PTPRD: variants seen among roughly 807,000 people sequenced by gnomAD.
PTPRD encodes protein tyrosine phosphatase receptor type D.
Under a neutral mutation model 214.5 loss-of-function variants are expected in PTPRD, and 34 were observed. The ratio of observed to expected loss-of-function variants is 0.16; its 90% CI spans 0.12 to 0.21. PTPRD has a LOEUF of 0.21. Ranked by LOEUF, PTPRD falls within the 10% of genes least tolerant of loss-of-function variation. The pLI is 1.00. For synonymous variants in PTPRD, 1,128 were observed against 845.7 expected, an observed-to-expected ratio of 1.33 and a Z score of -5.79; for missense variants, 2,545 against 2,398.7, an observed-to-expected ratio of 1.06 and a Z score of -1.27.
At chr9:9,648,743 T>C (rs982738446) in intron 7 of PTPRD, among the ~76,000 whole-genome samples, 4 of 152,206 alleles carry the variant, frequency 2.6e-5, no homozygotes, top group Non-Finnish European at 4.4e-5. Context: ...GGTGCAAGTC[T>C]AAGATATAAA....
At chr9:10,474,059 A>G (rs1470479553) in intron 2 of PTPRD, among the ~76,000 whole-genome samples, 2 of 152,178 alleles carry the variant, frequency 1.3e-5, no homozygotes, top group Admixed American at 1.3e-4. Context: ...CAGTGACACT[A>G]TGAATAAACT....
intron 39 of PTPRD, among the ~76,000 whole-genome samples, chr9:8,349,462 A>C (rs1248908652): frequency 6.6e-6 from 1 of 152,082 alleles, no homozygotes; most frequent in Non-Finnish European, 1.5e-5. Flanking sequence ...AAGCAAATGC[A>C]TTTTTCTTTG....
intron 9 of PTPRD, among the ~76,000 whole-genome samples, chr9:9,201,773 G>C (rs573093629): frequency 6.6e-6 from 1 of 152,012 alleles, no homozygotes; most frequent in South Asian, 2.1e-4. Context: ...TGATTATTTG[G>C]GATGAGGGAC....
At chr9:10,422,419 A>T (rs1376216197) in intron 2 of PTPRD, among the ~76,000 whole-genome samples, 2 of 152,092 alleles carry the variant, frequency 1.3e-5, no homozygotes, top group Non-Finnish European at 2.9e-5. Flanking sequence ...CATGACTAAA[A>T]CACCAAAAGC....
At chr9:9,530,889 T>C (rs1163250594) in intron 8 of PTPRD, among the ~76,000 whole-genome samples, 1 of 151,928 alleles carries the variant, frequency 6.6e-6, no homozygotes. Context: ...GGGAAGAATA[T>C]GGGTGGGAGG....
chr9:9,421,852 G>A (rs2078927995), intron 8 of PTPRD, among the ~76,000 whole-genome samples: 1 of 152,028 alleles, frequency 6.6e-6, no homozygotes, highest in Non-Finnish European at 1.5e-5. Flanking sequence ...TCTCCCTGAT[G>A]ATGAAATGAT....
At chr9:8,648,883 C>T (rs1214606708) in intron 12 of PTPRD, among the ~76,000 whole-genome samples, 9 of 152,188 alleles carry the variant, frequency 5.9e-5, no homozygotes, top group Non-Finnish European at 8.8e-5. Flanking sequence ...TCATTTACAT[C>T]ATCCACTGCT....
rs149172052 is a variant in PTPRD at position 10,388,307 on chromosome 9, G to A, written c.-599-47290C>T. ...TCATTATTCTCTTCCCAAATGGAAA[G>A]GAAGTACATCCTGAGATAAAATGAT... On this transcript the variant is annotated intron_variant, in intron 2 of 45. Coordinates refer to ENST00000381196, the MANE Select transcript of PTPRD (RefSeq NM_002839.4). Among the ~76,000 whole-genome samples the A allele has an allele frequency of 9.0e-4, 137 of 151,798 alleles. 2 individuals are homozygous for A. In the East Asian group the frequency reaches 0.02, roughly 22 times the overall value.
At chr9:8,814,386 A>G (rs992586221) in intron 11 of PTPRD, among the ~76,000 whole-genome samples, 25 of 152,184 alleles carry the variant, frequency 1.6e-4, no homozygotes, top group African/African-American at 6.0e-4. Context: ...TGAAGGAAAC[A>G]GAGGAGGGTG....
At chr9:9,469,472 T>C (rs907373509) in intron 8 of PTPRD, among the ~76,000 whole-genome samples, 2 of 152,262 alleles carry the variant, frequency 1.3e-5, no homozygotes, top group African/African-American at 4.8e-5. Flanking sequence ...TAAAAACCCA[T>C]CTACTGAGCT....
chr9:10,468,467 C>A (rs77970977), intron 2 of PTPRD, among the ~76,000 whole-genome samples: 9,467 of 151,818 alleles, frequency 0.062, 826 homozygotes, highest in African/African-American at 0.19. Context: ...ACATGGACAC[C>A]GGGAGGGGAA....
chr9:9,755,391 G>A (rs2098558101), intron 6 of PTPRD, among the ~76,000 whole-genome samples: 2 of 152,046 alleles, frequency 1.3e-5, no homozygotes, highest in African/African-American at 2.4e-5. Context: ...GACAGCTTCA[G>A]TTTGTTGTCT....
Position 9,186,128 on chromosome 9 carries a change from T to C in PTPRD, c.-202-2765A>G, listed in dbSNP as rs1004735506. 5.3e-5 allele frequency among the ~76,000 whole-genome samples: 8 copies of C among 152,150 alleles called. No individual in the cohort carries two copies. In the East Asian group the frequency reaches 1.5e-3, roughly 29 times the overall value. ...CTGGAGATTGAGAAAAAATAGATGA[T>C]AAATTCTCATGAACAGAAGAAAATG... On this transcript the variant is annotated intron_variant, in intron 9 of 45. Coordinates refer to ENST00000381196, the MANE Select transcript of PTPRD (RefSeq NM_002839.4).
chr9:10,203,184 TTTTA>T lies in PTPRD; in HGVS notation c.-545+137775_-545+137778del, dbSNP rs551225648. Among the ~76,000 whole-genome samples the T allele has an allele frequency of 1.2e-3, 182 of 151,646 alleles. 4 individuals are homozygous for T. In the South Asian group the frequency reaches 0.035, roughly 29 times the overall value. On this transcript the variant is annotated intron_variant, in intron 3 of 45. Coordinates refer to ENST00000381196, the MANE Select transcript of PTPRD (RefSeq NM_002839.4). ...CCCTCTCTCTCTTTTTTTTTTTTTT[TTTTA>T]ATGTGAATTGTGAGTTTCTGGAAGG...
chr9:8,769,060 C>A (rs75810769), intron 11 of PTPRD, among the ~76,000 whole-genome samples: 3 of 152,118 alleles, frequency 2.0e-5, no homozygotes, highest in African/African-American at 7.2e-5. Context: ...GTTAGCATAA[C>A]GCCAACTTTT....
At chr9:9,161,057 G>C (rs1445024175) in intron 10 of PTPRD, among the ~76,000 whole-genome samples, 1 of 152,112 alleles carries the variant, frequency 6.6e-6, no homozygotes, top group Non-Finnish European at 1.5e-5. Flanking sequence ...TGGCAGGTGG[G>C]ATGGAATGAA....
chr9:10,316,762 A>G (rs2154424034), intron 3 of PTPRD, among the ~76,000 whole-genome samples: 1 of 152,050 alleles, frequency 6.6e-6, no homozygotes, highest in African/African-American at 2.4e-5. Flanking sequence ...TAATCTAAAA[A>G]AGATTTTTTA....
intron 8 of PTPRD, among the ~76,000 whole-genome samples, chr9:9,530,213 A>G (rs143208117): frequency 6.6e-6 from 1 of 152,292 alleles, no homozygotes; most frequent in African/African-American, 2.4e-5. Context: ...ATGAAACACA[A>G]AGTTGGTCTC....
intron 9 of PTPRD, among the ~76,000 whole-genome samples, chr9:9,295,298 T>C (rs1952616474): frequency 6.6e-6 from 1 of 151,792 alleles, no homozygotes; most frequent in South Asian, 2.1e-4. Flanking sequence ...GTATAGCAAA[T>C]GTTCTAAAAA....
Sources: gnomAD v4.1 joint callset for allele counts (sites outside exome capture counted in the v4.1 genomes callset) on GRCh38, gnomAD v4.1.1 for gene constraint, MANE v1.5 for transcripts, NCBI Gene and HGNC (gene_info 2026-07-23, HGNC 2026-07-21) for gene names.